The following NCALD variants were observed in gnomAD, a reference collection of about 807,000 sequenced individuals.
NCALD encodes the protein neurocalcin-delta.
Under a neutral mutation model 18.6 loss-of-function variants are expected in NCALD, and 10 were observed. That is an observed-to-expected ratio of 0.54 (90% CI 0.33 to 0.91). The LOEUF (loss-of-function observed/expected upper bound fraction) is 0.91. NCALD is among the 40% of genes least tolerant of loss of function. The pLI is 0.03. For synonymous variants in NCALD, 88 were observed against 87.4 expected, an observed-to-expected ratio of 1.01 and a Z score of -0.04; for missense variants, 184 against 247.6, an observed-to-expected ratio of 0.74 and a Z score of 1.72.
chr8:101,901,684 C>A (rs190235382), intron 3 of NCALD, among the ~76,000 whole-genome samples: 1 of 152,018 alleles, frequency 6.6e-6, no homozygotes, highest in Admixed American at 6.6e-5. Flanking sequence ...AGAACTACAT[C>A]GGATAGTGTT....
chr8:101,977,175 T>C (rs1200117131), intron 2 of NCALD, among the ~76,000 whole-genome samples: 1 of 151,612 alleles, frequency 6.6e-6, no homozygotes, highest in Non-Finnish European at 1.5e-5. Flanking sequence ...AATGAAAAGA[T>C]GGAAAGGAGA....
chr8:102,039,135 G>T (rs780869499), intron 1 of NCALD, among the ~76,000 whole-genome samples: 2 of 152,096 alleles, frequency 1.3e-5, no homozygotes, highest in African/African-American at 2.4e-5. Flanking sequence ...GGATTCACAG[G>T]CCCTGCTACC....
At chr8:101,873,152 C>A (rs1394590888) in intron 4 of NCALD, among the ~76,000 whole-genome samples, 1 of 152,222 alleles carries the variant, frequency 6.6e-6, no homozygotes, top group African/African-American at 2.4e-5. Context: ...ACCTTTCTTT[C>A]TTCTTTCCAG....
chr8:101,743,877 C>A (rs945583366), intron 1 of NCALD, among the ~76,000 whole-genome samples: 3 of 152,218 alleles, frequency 2.0e-5, no homozygotes, highest in Non-Finnish European at 2.9e-5. Context: ...ACTTGAGTAA[C>A]CACAGTAAGT....
chr8:101,895,416 G>A (rs2131536617), intron 3 of NCALD, among the ~76,000 whole-genome samples: 1 of 150,730 alleles, frequency 6.6e-6, no homozygotes, highest in Admixed American at 6.6e-5. Flanking sequence ...CATACTGAAT[G>A]GGCAAAAACT....
chr8:101,758,362 C>T (rs1810973749), intron 1 of NCALD, among the ~76,000 whole-genome samples: 1 of 152,206 alleles, frequency 6.6e-6, no homozygotes, highest in Non-Finnish European at 1.5e-5. Flanking sequence ...TCCTACTCAT[C>T]CTGCCTGGAT....
At chr8:101,708,921 C>T (rs79400505) in intron 2 of NCALD, among the ~76,000 whole-genome samples, 1,581 of 152,214 alleles carry the variant, frequency 0.01, 15 homozygotes, top group South Asian at 0.039. Context: ...AATAAGGAAA[C>T]GGGAAATTTT....
At chr8:101,870,221 T>C (rs1389824711) in intron 4 of NCALD, among the ~76,000 whole-genome samples, 1 of 152,202 alleles carries the variant, frequency 6.6e-6, no homozygotes, top group Non-Finnish European at 1.5e-5. Context: ...ATGACTTCAA[T>C]AGTCTAGATA....
chr8:101,803,413 G>A (rs1586543107), intron 4 of NCALD, among the ~76,000 whole-genome samples: 1 of 152,166 alleles, frequency 6.6e-6, no homozygotes, highest in East Asian at 1.9e-4. Context: ...AGATATACAA[G>A]GAGATTAATG....
At chr8:101,925,901 ATAAG>A (rs1563902372) in intron 2 of NCALD, among the ~76,000 whole-genome samples, 2 of 152,196 alleles carry the variant, frequency 1.3e-5, no homozygotes. Context: ...TTAAATGTTG[ATAAG>A]TAAGAAGCTG....
chr8:101,801,413 T>A (rs1812847642), intron 4 of NCALD, among the ~76,000 whole-genome samples: 1 of 151,756 alleles, frequency 6.6e-6, no homozygotes, highest in Admixed American at 6.6e-5. Context: ...AAATACACAT[T>A]TTTTTTTCAA....
At chr8:101,701,327 G>T (rs1476289499) in intron 2 of NCALD, among the ~76,000 whole-genome samples, 1 of 152,212 alleles carries the variant, frequency 6.6e-6, no homozygotes, top group African/African-American at 2.4e-5. Context: ...ACCGTGAAGA[G>T]ACCAGGCTAC....
chr8:102,119,229 A>G (rs143877745), intron 1 of NCALD, among the ~76,000 whole-genome samples: 102 of 152,370 alleles, frequency 6.7e-4, no homozygotes, highest in African/African-American at 2.3e-3. Context: ...ACAATGGAAC[A>G]GTATTCCACC....
At chr8:102,093,442 A>T (rs1193831361) in intron 1 of NCALD, among the ~76,000 whole-genome samples, 3 of 152,234 alleles carry the variant, frequency 2.0e-5, no homozygotes, top group African/African-American at 7.2e-5. Context: ...TGCCTAGCTA[A>T]AAATATTTAC....
At chr8:101,878,828 G>A (rs190894278) in intron 4 of NCALD, among the ~76,000 whole-genome samples, 3 of 152,292 alleles carry the variant, frequency 2.0e-5, no homozygotes, top group African/African-American at 7.2e-5. Context: ...GGCAGAAACT[G>A]CTACTGACAG....
chr8:101,864,568 G>A (rs945906453), intron 4 of NCALD, among the ~76,000 whole-genome samples: 1 of 151,528 alleles, frequency 6.6e-6, no homozygotes, highest in South Asian at 2.1e-4. Flanking sequence ...TGACCTGATA[G>A]GATTGTTCCA....
chr8:101,897,734 A>T (rs774644667), intron 3 of NCALD, among the ~76,000 whole-genome samples: 10 of 152,122 alleles, frequency 6.6e-5, no homozygotes, highest in Non-Finnish European at 1.5e-4. Flanking sequence ...TTTTAAAGAA[A>T]CCACTAAACT....
chr8:102,101,824 T>C (rs1310944823), intron 1 of NCALD, among the ~76,000 whole-genome samples: 1 of 152,214 alleles, frequency 6.6e-6, no homozygotes, highest in Non-Finnish European at 1.5e-5. Context: ...CTTAGCAGTA[T>C]TAACACCTCT....
chr8:101,894,292 T>C (rs1817048794), intron 3 of NCALD, among the ~76,000 whole-genome samples: 1 of 125,634 alleles, frequency 8.0e-6, no homozygotes, highest in Admixed American at 8.0e-5. Context: ...AAGGCAGAAA[T>C]AAAGATGTTC....
Sources: allele counts gnomAD v4.1 joint callset (sites outside exome capture counted in the v4.1 genomes callset), GRCh38; gene constraint gnomAD v4.1.1; transcripts MANE v1.5; gene names NCBI Gene and HGNC (gene_info 2026-07-23, HGNC 2026-07-21).